RABGAP1L: variants seen among roughly 807,000 people sequenced by gnomAD.
The protein encoded by RABGAP1L is RAB GTPase activating protein 1 like.
RABGAP1L carries 63 observed loss-of-function variants against 137.7 expected under a neutral mutation model. The ratio of observed to expected loss-of-function variants is 0.46; its 90% CI spans 0.37 to 0.56. The LOEUF is 0.56. Among genes scored for constraint, RABGAP1L ranks in the 20% least tolerant of loss-of-function variants. The pLI is 0.00. For missense variants in RABGAP1L, 1,095 were observed against 1,244.0 expected (o/e 0.88, Z 1.80); for synonymous variants, 431 against 433.7 (o/e 0.99, Z 0.08).
At chr1:174,349,843 G>A (rs1436702868) in intron 11 of RABGAP1L, among the ~76,000 whole-genome samples, 16 of 132,450 alleles carry the variant, frequency 1.2e-4, no homozygotes, top group East Asian at 5.0e-4. Context: ...AGACGGGGCG[G>A]CTGGCCGGGC....
chr1:174,620,414 C>A (rs971027105), intron 13 of RABGAP1L, among the ~76,000 whole-genome samples: 7 of 152,148 alleles, frequency 4.6e-5, no homozygotes, highest in Non-Finnish European at 1.5e-5. Flanking sequence ...TGTAAAAGAA[C>A]AGAAATTATA....
intron 24 of RABGAP1L, among the ~76,000 whole-genome samples, chr1:174,984,553 C>T (rs1671428645): frequency 6.6e-6 from 1 of 152,080 alleles, no homozygotes; most frequent in African/African-American, 2.4e-5. Context: ...CCAGCCTGGC[C>T]ATCATGGTGA....
intron 17 of RABGAP1L, among the ~76,000 whole-genome samples, chr1:174,746,657 C>G (rs1424681330): frequency 6.6e-6 from 1 of 152,162 alleles, no homozygotes; most frequent in Non-Finnish European, 1.5e-5. Flanking sequence ...TTCATTCATT[C>G]ACATATTCAT....
At chr1:174,488,334 A>G (rs1242165998) in intron 13 of RABGAP1L, among the ~76,000 whole-genome samples, 1 of 148,862 alleles carries the variant, frequency 6.7e-6, no homozygotes, top group African/African-American at 2.5e-5. Context: ...TTTTTTCTTT[A>G]GCAGTTTACA....
intron 19 of RABGAP1L, chr1:174,938,472 T>TGA (rs1456892104): frequency 1.3e-5 from 2 of 152,006 alleles, no homozygotes; most frequent in Non-Finnish European, 2.9e-5. Context: ...TGTGACAGAG[T>TGA]GAGTTGATGA....
rs1553272541 is a variant in RABGAP1L, at chr1:174,318,635, T to TC, written c.1465+13508_1465+13509insC. ...TTCTTTCTTTCTTTCTTTCTTTCTT[T>TC]TTCTTTCTTTTTTGTAGACTTTTTG... On this transcript the variant is annotated intron_variant, in intron 11 of 25. Transcript: ENST00000681986. 6.4e-3 allele frequency among the ~76,000 whole-genome samples: 591 copies of TC among 92,258 alleles called. 4 individuals carry two copies. Among genetic ancestry groups the TC allele is most frequent in the African/African-American group, 0.02 (562 of 27,684 alleles). 60.5% of individuals were successfully genotyped at this position (92,258 alleles called of 152,430 possible).
intron 12 of RABGAP1L, among the ~76,000 whole-genome samples, chr1:174,379,402 A>ATTCTTCCTACCCATGAGCATGGCATG (rs1685904577): frequency 1.3e-5 from 2 of 148,744 alleles, no homozygotes; most frequent in Non-Finnish European, 3.0e-5. Flanking sequence ...CACGATATTG[A>ATTCTTCCTACCCATGAGCATGGCATG]TTCTTCCTAC....
At chr1:174,926,495 C>T (rs2149247623) in intron 19 of RABGAP1L, among the ~76,000 whole-genome samples, 1 of 151,764 alleles carries the variant, frequency 6.6e-6, no homozygotes, top group Admixed American at 6.6e-5. Flanking sequence ...TTTCCAAAGA[C>T]CTTAAGTTTT....
intron 9 of RABGAP1L, 112 bp downstream of exon 9, chr1:174,276,047 A>G (rs1674970770): frequency 1.0e-5 from 7 of 697,954 alleles, no homozygotes; most frequent in Non-Finnish European, 2.3e-6. Flanking sequence ...TTATTCTTTC[A>G]TTGAGAATTT....
intron 17 of RABGAP1L, among the ~76,000 whole-genome samples, chr1:174,734,978 T>TA (rs1418082646): frequency 6.8e-6 from 1 of 146,398 alleles, no homozygotes; most frequent in Non-Finnish European, 1.5e-5. Flanking sequence ...TTTTTTTTTT[T>TA]AAGATATGGG....
intron 19 of RABGAP1L, among the ~76,000 whole-genome samples, chr1:174,815,400 TTTAAGA>T (rs1343648136): frequency 6.6e-6 from 1 of 152,262 alleles, no homozygotes; most frequent in African/African-American, 2.4e-5. Context: ...CCATAGCCTA[TTTAAGA>T]TTAAAGATAG....
intron 19 of RABGAP1L, among the ~76,000 whole-genome samples, chr1:174,925,421 C>A (rs1012221883): frequency 6.7e-6 from 1 of 149,440 alleles, no homozygotes; most frequent in East Asian, 2.0e-4. Flanking sequence ...GTGAAAAAAC[C>A]TTGGCAGGAG....
Position 174,483,609 on chromosome 1 carries a change from A to T in RABGAP1L, c.1710+89464A>T, listed in dbSNP as rs566953742. On this transcript the variant is annotated intron_variant, in intron 13 of 25. Transcript: ENST00000681986. ...GTAATCCCAGCACTTTGGGAGGCTGAGGTGGTCAGAAGTTTGAGAACAGCC... is the reference window on the plus strand; with the variant it reads ...GTAATCCCAGCACTTTGGGAGGCTGTGGTGGTCAGAAGTTTGAGAACAGCC... Among the ~76,000 whole-genome samples, 11 of 152,264 alleles carry T rather than the reference A, an allele frequency of 7.2e-5. No homozygotes were observed. In the East Asian group the frequency reaches 2.1e-3, roughly 29 times the overall value.
At chr1:174,618,444 C>T (rs1180206082) in intron 13 of RABGAP1L, among the ~76,000 whole-genome samples, 1 of 152,230 alleles carries the variant, frequency 6.6e-6, no homozygotes, top group Non-Finnish European at 1.5e-5. Flanking sequence ...TGAGACAAAA[C>T]TTCCAGAGGA....
At chr1:174,860,181 C>T (rs922740448) in intron 19 of RABGAP1L, among the ~76,000 whole-genome samples, 2 of 151,604 alleles carry the variant, frequency 1.3e-5, no homozygotes, top group East Asian at 1.9e-4. Flanking sequence ...GTGGACTTTA[C>T]GAAAATCAGG....
At chr1:174,589,212 C>T (rs1277696738) in intron 13 of RABGAP1L, among the ~76,000 whole-genome samples, 1 of 152,168 alleles carries the variant, frequency 6.6e-6, no homozygotes, top group Non-Finnish European at 1.5e-5. Flanking sequence ...TGATGTTGAG[C>T]ACTTTTTTAT....
At chr1:174,335,139 A>G (rs1409486160) in intron 11 of RABGAP1L, among the ~76,000 whole-genome samples, 2 of 152,196 alleles carry the variant, frequency 1.3e-5, no homozygotes, top group Non-Finnish European at 2.9e-5. Flanking sequence ...CTTTTCTTTT[A>G]TAGATCAGGT....
chr1:174,707,223 T>C (rs1299456634), intron 17 of RABGAP1L, among the ~76,000 whole-genome samples: 25 of 136,552 alleles, frequency 1.8e-4, no homozygotes, highest in East Asian at 1.6e-3. Flanking sequence ...TTGTTCTGTT[T>C]TGTTTTGTTT....
intron 23 of RABGAP1L, among the ~76,000 whole-genome samples, chr1:174,979,175 A>T (rs893581133): frequency 6.6e-6 from 1 of 152,120 alleles, no homozygotes; most frequent in Non-Finnish European, 1.5e-5. Flanking sequence ...ACAGAGCAAG[A>T]CCCTGTCTCT....
Sources: allele counts gnomAD v4.1 joint callset (sites outside exome capture counted in the v4.1 genomes callset), GRCh38; gene constraint gnomAD v4.1.1; transcripts MANE v1.5; gene names NCBI Gene and HGNC (gene_info 2026-07-23, HGNC 2026-07-21).